Variants in R3HDM2 observed in about 807,000 individuals in gnomAD.
R3HDM2 encodes the protein R3H domain-containing protein 2.
R3HDM2 carries 38 observed loss-of-function variants against 124.5 expected under a neutral mutation model. The ratio of observed to expected loss-of-function variants is 0.31; its 90% confidence interval spans 0.24 to 0.40. The LOEUF is 0.40. Ranked by LOEUF, R3HDM2 falls within the 10% of genes least tolerant of loss-of-function variation. The pLI, the probability that R3HDM2 is intolerant of heterozygous loss-of-function variation, is 1.00. For synonymous variants in R3HDM2, 391 were observed against 448.0 expected (o/e 0.87, Z 1.61); for missense variants, 869 against 1,236.9 (o/e 0.70, Z 4.46).
At chr12:57,272,588 A>G in intron 14 of R3HDM2, 1 of 499,572 alleles carries the variant, frequency 2.0e-6, no homozygotes, top group South Asian at 5.5e-5. Context: ...TGGAAAAGGG[A>G]AGAGAAAAGA....
intron 2 of R3HDM2, among the ~76,000 whole-genome samples, chr12:57,325,235 C>T (rs560049210): frequency 1.3e-3 from 202 of 152,306 alleles, no homozygotes; most frequent in Non-Finnish European, 1.9e-3. Context: ...CTCCACCTCC[C>T]GGGTTCAAGA....
At chr12:57,325,454 AG>A (rs2057171403) in intron 2 of R3HDM2, among the ~76,000 whole-genome samples, 1 of 152,232 alleles carries the variant, frequency 6.6e-6, no homozygotes, top group Non-Finnish European at 1.5e-5. Context: ...GCACTCCAGC[AG>A]CCATTTGGAC....
chr12:57,260,685 A>G (rs1333721614), intron 19 of R3HDM2, among the ~76,000 whole-genome samples: 2 of 152,030 alleles, frequency 1.3e-5, no homozygotes, highest in Non-Finnish European at 2.9e-5. Context: ...GAGAAATGGG[A>G]AATTTGGGGT....
chr12:57,365,132 C>T (rs1390123545), intron 2 of R3HDM2, among the ~76,000 whole-genome samples: 3 of 151,366 alleles, frequency 2.0e-5, no homozygotes, highest in Admixed American at 6.6e-5. Flanking sequence ...GTCAAGGTGG[C>T]GCATGCCTGT....
chr12:57,291,772 C>T (rs186262893), intron 11 of R3HDM2, among the ~76,000 whole-genome samples: 3 of 152,126 alleles, frequency 2.0e-5, no homozygotes, highest in Admixed American at 2.0e-4. Flanking sequence ...AGATGGTGCT[C>T]ATATCTGGAT....
At chr12:57,419,921 C>T (rs142128941) in intron 1 of R3HDM2, among the ~76,000 whole-genome samples, 1 of 152,062 alleles carries the variant, frequency 6.6e-6, no homozygotes, top group African/African-American at 2.4e-5. Context: ...TTCTCAAGGC[C>T]CCTATTCAAC....
At chr12:57,318,513 G>A (rs1156908506) in intron 2 of R3HDM2, among the ~76,000 whole-genome samples, 2 of 151,956 alleles carry the variant, frequency 1.3e-5, no homozygotes, top group East Asian at 3.9e-4. Context: ...GCCAGGCATG[G>A]TGGTGTGTGC....
chr12:57,408,159 A>G (rs1466265852), intron 1 of R3HDM2, among the ~76,000 whole-genome samples: 1 of 151,954 alleles, frequency 6.6e-6, no homozygotes, highest in African/African-American at 2.4e-5. Context: ...TCGAACTCCT[A>G]ACCTCAAATG....
intron 2 of R3HDM2, among the ~76,000 whole-genome samples, chr12:57,313,286 G>A (rs148630269): frequency 1.5e-3 from 222 of 152,298 alleles, no homozygotes; most frequent in African/African-American, 5.0e-3. Context: ...GGAGCTGTGT[G>A]TGTTGGCTTA....
At chr12:57,257,780 T>C (rs1262859422) in intron 21 of R3HDM2, among the ~76,000 whole-genome samples, 1 of 152,150 alleles carries the variant, frequency 6.6e-6, no homozygotes, top group Non-Finnish European at 1.5e-5. Flanking sequence ...ACTAAGTATG[T>C]AAAGAAGGCT....
chr12:57,427,200 A>G (rs2070822706), intron 1 of R3HDM2, among the ~76,000 whole-genome samples: 1 of 151,866 alleles, frequency 6.6e-6, no homozygotes, highest in Admixed American at 6.6e-5. Context: ...CTGAGGCAGG[A>G]CAATCACTTG....
intron 2 of R3HDM2, among the ~76,000 whole-genome samples, chr12:57,343,952 T>C (rs2059853971): frequency 6.6e-6 from 1 of 152,134 alleles, no homozygotes; most frequent in African/African-American, 2.4e-5. Flanking sequence ...TTGACCTTTA[T>C]TTATTTCTTT....
chr12:57,388,871 G>C (rs570705784), intron 2 of R3HDM2, among the ~76,000 whole-genome samples: 2 of 152,000 alleles, frequency 1.3e-5, no homozygotes, highest in Non-Finnish European at 2.9e-5. Flanking sequence ...AGATGGTCAG[G>C]GCTTTGAAGA....
chr12:57,393,889 T>TA (rs1181228045), intron 2 of R3HDM2, among the ~76,000 whole-genome samples: 1 of 152,188 alleles, frequency 6.6e-6, no homozygotes, highest in African/African-American at 2.4e-5. Flanking sequence ...TAAAATAATG[T>TA]AAACCAAACA....
chr12:57,301,485 T>C (rs888510144), intron 4 of R3HDM2, among the ~76,000 whole-genome samples: 3 of 152,368 alleles, frequency 2.0e-5, no homozygotes, highest in Middle Eastern at 3.4e-3. Context: ...CTACTGAATG[T>C]TAAGCTACTG....
intron 2 of R3HDM2, among the ~76,000 whole-genome samples, chr12:57,333,974 G>C (rs2058537980): frequency 6.6e-6 from 1 of 152,078 alleles, no homozygotes; most frequent in South Asian, 2.1e-4. Flanking sequence ...AGGAGGCAGA[G>C]GCTGCAACGA....
chr12:57,354,757 T>C (rs2061070297), intron 2 of R3HDM2, among the ~76,000 whole-genome samples: 1 of 152,138 alleles, frequency 6.6e-6, no homozygotes, highest in Non-Finnish European at 1.5e-5. Flanking sequence ...TACATATGAG[T>C]ATTTTCTAAA....
chr12:57,309,717 A>G (rs147777042), intron 3 of R3HDM2, among the ~76,000 whole-genome samples: 1 of 152,318 alleles, frequency 6.6e-6, no homozygotes, highest in African/African-American at 2.4e-5. Context: ...TTTTGGTAAT[A>G]AAAAAAGTCA....
chr12:57,264,319 G>A (rs1294036397), intron 19 of R3HDM2, among the ~76,000 whole-genome samples: 1 of 149,670 alleles, frequency 6.7e-6, no homozygotes, highest in Non-Finnish European at 1.5e-5. Flanking sequence ...ACTTTGGGAG[G>A]CCGAGGCGGG....
Sources: gnomAD v4.1 joint callset for allele counts (sites outside exome capture counted in the v4.1 genomes callset) on GRCh38, gnomAD v4.1.1 for gene constraint, MANE v1.5 for transcripts, NCBI Gene and HGNC (gene_info 2026-07-23, HGNC 2026-07-21) for gene names.